SMG7: variants seen among roughly 807,000 people sequenced by gnomAD.
SMG7 encodes nonsense-mediated mRNA decay factor SMG7.
SMG7 carries 34 observed loss-of-function variants against 148.2 expected under a neutral mutation model. That is an observed-to-expected ratio of 0.23 (90% CI 0.17 to 0.31). The LOEUF (loss-of-function observed/expected upper bound fraction) is 0.31, where lower values mean the gene tolerates loss of function less well. Ranked by LOEUF, SMG7 falls within the 10% of genes least tolerant of loss-of-function variation. SMG7 has a pLI of 1.00. For missense variants in SMG7, 1,114 were observed against 1,408.4 expected (o/e 0.79, Z 3.35); for synonymous variants, 492 against 515.1 (o/e 0.96, Z 0.61).
chr1:183,491,398 G>A (rs1414882297), intron 1 of SMG7, among the ~76,000 whole-genome samples: 1 of 152,268 alleles, frequency 6.6e-6, no homozygotes, highest in East Asian at 1.9e-4. Context: ...TATGAATAAA[G>A]CTAGAACATT....
chr1:183,527,737 C>T lies in SMG7; in HGVS notation c.485-219C>T. The T allele has an allele frequency of 1.8e-6, 1 of 563,404 alleles. No homozygotes were observed. Among genetic ancestry groups the T allele is most frequent in the Admixed American group, 2.2e-5 (1 of 44,856 alleles). 34.9% of individuals were successfully genotyped at this position (563,404 alleles called of 1,614,324 possible). ...GACCTGAAAATGGGGTCTAGGTAAG[C>T]TTTAAAATTGGTTACATGCTGAATG... On this transcript the variant is annotated intron_variant, in intron 5 of 22. Coordinates refer to ENST00000688051, the MANE Select transcript of SMG7 (RefSeq NM_001375584.1). The surrounding 1 kb of genome is among the most constrained non-coding windows in gnomAD (Gnocchi z 4.0).
chr1:183,550,615 T>C (rs1244903657), intron 20 of SMG7, 136 bp from the exon 21 acceptor site: 1 of 824,726 alleles, frequency 1.2e-6, no homozygotes, highest in Non-Finnish European at 1.9e-6. Flanking sequence ...CTTTGGAGCC[T>C]TTAGTTTCCC....
intron 12 of SMG7, among the ~76,000 whole-genome samples, chr1:183,540,128 G>C (rs1668547567): frequency 6.6e-6 from 1 of 151,908 alleles, no homozygotes; most frequent in African/African-American, 2.4e-5. Context: ...CCACACCTTT[G>C]TTCATGTTGT....
At chr1:183,549,675 G>A in intron 19 of SMG7, 89 bp from the exon 20 acceptor site, 1 of 1,005,956 alleles carries the variant, frequency 9.9e-7, no homozygotes, top group Non-Finnish European at 1.5e-6. Flanking sequence ...AAAGCTTAAG[G>A]TGTACCAAGC....
At chr1:183,485,499 A>G (rs765253266) in intron 1 of SMG7, among the ~76,000 whole-genome samples, 6 of 152,160 alleles carry the variant, frequency 3.9e-5, no homozygotes, top group Non-Finnish European at 8.8e-5. Flanking sequence ...TTGACCTGCT[A>G]TTCCTCCCTT....
intron 1 of SMG7, among the ~76,000 whole-genome samples, chr1:183,491,409 C>G (rs759248603): frequency 2.0e-5 from 3 of 152,284 alleles, no homozygotes; most frequent in Admixed American, 6.5e-5. Context: ...CTAGAACATT[C>G]TGTCTAAGTC....
At chr1:183,496,360 T>G (rs1349219729) in intron 1 of SMG7, among the ~76,000 whole-genome samples, 1 of 152,240 alleles carries the variant, frequency 6.6e-6, no homozygotes, top group Non-Finnish European at 1.5e-5. Context: ...TTCTATGTTG[T>G]TGTTTATCCC....
chr1:183,552,922 T>C lies in SMG7; in HGVS notation c.*991T>C, dbSNP rs1671283093. ...CTCCATCCCTTCTTTTACCCAATGC[T>C]GTATGCTAGTAATTGTTTTTATTCC... On this transcript the variant is annotated 3_prime_UTR_variant, in exon 23 of 23. Coordinates refer to ENST00000688051, the MANE Select transcript of SMG7 (RefSeq NM_001375584.1). 4.0e-6 allele frequency: 6 copies of C among 1,516,274 alleles called. No individual in the cohort carries two copies. Among genetic ancestry groups the C allele is most frequent in the Non-Finnish European group, 5.3e-6 (6 of 1,133,304 alleles). 93.9% of individuals were successfully genotyped at this position (1,516,274 alleles called of 1,614,324 possible).
intron 1 of SMG7, among the ~76,000 whole-genome samples, chr1:183,500,933 A>G (rs903575466): frequency 6.6e-6 from 1 of 152,240 alleles, no homozygotes; most frequent in African/African-American, 2.4e-5. Context: ...AAGTGCGACT[A>G]AAGTCACAGG....
At chr1:183,544,852 C>T in intron 15 of SMG7, 78 bp from the exon 16 acceptor site, 2 of 1,442,620 alleles carry the variant, frequency 1.4e-6, no homozygotes, top group Non-Finnish European at 1.9e-6. Context: ...CTCTACCTAC[C>T]TGTTAAAAAA....
intron 14 of SMG7, 64 bp from the exon 15 acceptor site, chr1:183,544,289 G>A (rs1669490166): frequency 7.6e-7 from 1 of 1,323,290 alleles, no homozygotes; most frequent in Non-Finnish European, 1.1e-6. Context: ...TAGGAGTAGG[G>A]TCTTCTTTCT....
intron 1 of SMG7, chr1:183,473,039 C>G: frequency 4.0e-6 from 1 of 251,794 alleles, no homozygotes; most frequent in Non-Finnish European, 7.5e-6. Flanking sequence ...CGTGGTGTGG[C>G]GTGGGATTGG....
intron 18 of SMG7, among the ~76,000 whole-genome samples, chr1:183,548,733 A>T (rs1244705416): frequency 6.6e-6 from 1 of 152,238 alleles, no homozygotes; most frequent in Admixed American, 6.5e-5. Flanking sequence ...GTTTTACTAT[A>T]TACTGCAAAT....
intron 4 of SMG7, among the ~76,000 whole-genome samples, chr1:183,520,809 G>C (rs1664594110): frequency 6.6e-6 from 1 of 152,028 alleles, no homozygotes; most frequent in Admixed American, 6.6e-5. Context: ...TTTTTATTGA[G>C]GGAGTATGGT....
chr1:183,514,894 T>C (rs933286552), intron 2 of SMG7, among the ~76,000 whole-genome samples: 1 of 152,182 alleles, frequency 6.6e-6, no homozygotes, highest in East Asian at 1.9e-4. Flanking sequence ...CTTTGCAAAA[T>C]AGGATTGTGG....
chr1:183,551,253 T>C, intron 22 of SMG7, 63 bp downstream of exon 22: 1 of 1,486,444 alleles, frequency 6.7e-7, no homozygotes. Context: ...CTGCTTTCAT[T>C]CACATAAATA....
In SMG7 at chr1:183,552,670, G is replaced by C. The variant is rs769141262; in HGVS notation, c.*739G>C. On this transcript the variant is annotated 3_prime_UTR_variant, in exon 23 of 23. Coordinates refer to ENST00000688051, the MANE Select transcript of SMG7 (RefSeq NM_001375584.1). ...TGCTCGAGCCCCAATCGAGGATACAGTGTGGGTGGTGGTGCTGGGCTGGAC... is the reference window on the plus strand; with the variant it reads ...TGCTCGAGCCCCAATCGAGGATACACTGTGGGTGGTGGTGCTGGGCTGGAC... The C allele has an allele frequency of 1.7e-4, 194 of 1,167,282 alleles. No homozygotes were observed. Among genetic ancestry groups the C allele is most frequent in the Non-Finnish European group, 2.0e-4 (191 of 939,380 alleles). 72.3% of individuals were successfully genotyped at this position (1,167,282 alleles called of 1,614,324 possible).
At chr1:183,482,233 G>A (rs958658524) in intron 1 of SMG7, among the ~76,000 whole-genome samples, 2 of 151,680 alleles carry the variant, frequency 1.3e-5, no homozygotes, top group African/African-American at 4.8e-5. Flanking sequence ...TGGGGGTGGG[G>A]GGTCTAAGGT....
In SMG7 at chr1:183,544,995, T is replaced by G. The variant is rs1028147909; in HGVS notation, c.2053T>G (p.Phe685Val). The change falls in exon 16 of 23, where the codon TTC (phenylalanine) becomes GTC (valine). Residue 685 changes from phenylalanine to valine, a missense_variant. Phe to Val is a conservative substitution (Grantham distance 50, BLOSUM62 -1). Transcript: ENST00000688051. ...ATTTTCTATGGGCTCAGGTTACACCTTCCCAGCTGGTGTTTCTGTCCCAGG... is the reference window on the plus strand; with the variant it reads ...ATTTTCTATGGGCTCAGGTTACACCGTCCCAGCTGGTGTTTCTGTCCCAGG... ...VAFSMGSGYT[F>V]PAGVSVPGTF... The G allele has an allele frequency of 6.2e-7, 1 of 1,613,894 alleles. No homozygotes were observed. The highest frequency in any genetic ancestry group is 1.3e-5 in the African/African-American group (1 of 75,024).
Sources: gnomAD v4.1 joint callset for allele counts (sites outside exome capture counted in the v4.1 genomes callset) on GRCh38, gnomAD v4.1.1 for gene constraint, Gnocchi (gnomAD v3.1) non-coding constraint, MANE v1.5 for transcripts, NCBI Gene and HGNC (gene_info 2026-07-23, HGNC 2026-07-21) for gene names.